RANBP2: variants seen among roughly 807,000 people sequenced by gnomAD.
RANBP2 encodes E3 SUMO-protein ligase RanBP2.
In RANBP2, 57 loss-of-function variants were observed where a neutral mutation model predicts 303.6. The observed-to-expected ratio is 0.19, with a 90% CI of 0.15 to 0.23. RANBP2 has a LOEUF of 0.23. Ranked by LOEUF, RANBP2 falls within the 10% of genes least tolerant of loss-of-function variation. The pLI is 1.00. For synonymous variants in RANBP2, 1,167 were observed against 1,301.5 expected (o/e 0.90, Z 2.23); for missense variants, 3,138 against 3,780.8 (o/e 0.83, Z 4.46).
the RANBP2 span, chr2:109,490,810 C>T: frequency 6.5e-7 from 1 of 1,536,952 alleles, no homozygotes; most frequent in Non-Finnish European, 8.7e-7. Context: ...ATGCAGGGTG[C>T]CATGGGGATG....
the RANBP2 span, chr2:109,371,461 C>T: frequency 1.5e-6 from 1 of 687,422 alleles, no homozygotes. Flanking sequence ...ATGGATAATG[C>T]ACTCTTCTTG....
the RANBP2 span, among the ~76,000 whole-genome samples, chr2:109,387,167 G>C: frequency 3.3e-5 from 5 of 152,190 alleles, no homozygotes; most frequent in Non-Finnish European, 2.9e-5. Context: ...CATATATTTT[G>C]GACAAATTTG....
the RANBP2 span, among the ~76,000 whole-genome samples, chr2:109,533,870 G>T: frequency 2.0e-5 from 3 of 152,166 alleles, no homozygotes; most frequent in Non-Finnish European, 4.4e-5. Flanking sequence ...CACTCTTTAA[G>T]CCTGTCTTTG....
chr2:109,033,665 T>C, the RANBP2 span, among the ~76,000 whole-genome samples: 12 of 151,340 alleles, frequency 7.9e-5, no homozygotes, highest in South Asian at 2.3e-3. Context: ...TTGATGATAC[T>C]TTTTTTTTGA....
the RANBP2 span, among the ~76,000 whole-genome samples, chr2:108,810,919 G>C: frequency 2.6e-5 from 4 of 152,008 alleles, no homozygotes; most frequent in Non-Finnish European, 2.9e-5. Context: ...TACGTTATAT[G>C]TGCCTAGGAG....
chr2:109,660,667 T>TGAC, the RANBP2 span, among the ~76,000 whole-genome samples: 3 of 152,206 alleles, frequency 2.0e-5, no homozygotes, highest in Non-Finnish European at 4.4e-5. Context: ...AGGGAGGGGC[T>TGAC]GACGGCTGCC....
At chr2:109,329,786 A>G in the RANBP2 span, among the ~76,000 whole-genome samples, 48 of 152,376 alleles carry the variant, frequency 3.2e-4, no homozygotes, top group Non-Finnish European at 6.3e-4. Flanking sequence ...ACATAGGCCC[A>G]GCCTCACTTT....
chr2:109,196,545 G>A, the RANBP2 span, among the ~76,000 whole-genome samples: 6 of 152,224 alleles, frequency 3.9e-5, no homozygotes, highest in Non-Finnish European at 1.5e-5. Flanking sequence ...TGAGAGGTCC[G>A]TGGGTTTGTC....
At chr2:108,841,798 T>G in the RANBP2 span, among the ~76,000 whole-genome samples, 1 of 152,134 alleles carries the variant, frequency 6.6e-6, no homozygotes, top group African/African-American at 2.4e-5. Context: ...GTGGTTCTTT[T>G]TGTTTCTCTT....
chr2:109,411,588 G>T, the RANBP2 span, among the ~76,000 whole-genome samples: 1 of 152,168 alleles, frequency 6.6e-6, no homozygotes, highest in Non-Finnish European at 1.5e-5. Flanking sequence ...CACGACCAGT[G>T]TGCCACTCAT....
the RANBP2 span, among the ~76,000 whole-genome samples, chr2:109,439,590 A>C: frequency 6.6e-6 from 1 of 152,182 alleles, no homozygotes; most frequent in African/African-American, 2.4e-5. Flanking sequence ...TGGCCATAGC[A>C]TCCAATATGA....
the RANBP2 span, among the ~76,000 whole-genome samples, chr2:109,647,149 T>G: frequency 3.4e-4 from 48 of 139,686 alleles, no homozygotes; most frequent in Non-Finnish European, 5.8e-4. Context: ...TCAATGGCTC[T>G]CCTCACTTTT....
chr2:109,266,304 TGTGTGTGTGTTGTATG>T, the RANBP2 span, among the ~76,000 whole-genome samples: 2 of 151,588 alleles, frequency 1.3e-5, no homozygotes, highest in East Asian at 1.9e-4. Flanking sequence ...GTGTATGTGT[TGTGTGTGTGTTGTATG>T]GTGTGTGTGT....
At chr2:109,197,293 C>T in the RANBP2 span, among the ~76,000 whole-genome samples, 1 of 152,102 alleles carries the variant, frequency 6.6e-6, no homozygotes, top group African/African-American at 2.4e-5. Context: ...CACTTGGCCT[C>T]ATTCTGGGAG....
At chr2:109,613,131 T>C in the RANBP2 span, 1 of 1,276,506 alleles carries the variant, frequency 7.8e-7, no homozygotes, top group Non-Finnish European at 1.0e-6. Context: ...TTTGGAAAAC[T>C]CGATGTACAC....
the RANBP2 span, among the ~76,000 whole-genome samples, chr2:109,307,924 T>C: frequency 2.3e-5 from 3 of 128,342 alleles, no homozygotes; most frequent in Non-Finnish European, 4.7e-5. Flanking sequence ...TTTATAGTCC[T>C]TTGGGTATAT....
chr2:109,129,921 G>C, the RANBP2 span: 951 of 1,499,444 alleles, frequency 6.3e-4, 5 homozygotes, highest in African/African-American at 0.013. Context: ...GGCCCCGCGC[G>C]GGCACCAGCC....
chr2:108,897,871 C>G, the RANBP2 span, among the ~76,000 whole-genome samples: 1 of 152,152 alleles, frequency 6.6e-6, no homozygotes, highest in African/African-American at 2.4e-5. Flanking sequence ...AAAACAAATA[C>G]AAGAAGTCTG....
At chr2:109,714,299 T>TTTTAA in the RANBP2 span, among the ~76,000 whole-genome samples, 4 of 150,466 alleles carry the variant, frequency 2.7e-5, no homozygotes, top group East Asian at 5.8e-4. Context: ...TTTTAAAAGT[T>TTTTAA]TTTATTTTAT....
Sources: allele counts gnomAD v4.1 joint callset (sites outside exome capture counted in the v4.1 genomes callset), GRCh38; gene constraint gnomAD v4.1.1; transcripts MANE v1.5; gene names NCBI Gene and HGNC (gene_info 2026-07-23, HGNC 2026-07-21).